The following ADAMTS2 variants were observed in gnomAD, a reference collection of about 807,000 sequenced individuals.
ADAMTS2 encodes the protein A disintegrin and metalloproteinase with thrombospondin motifs 2.
ADAMTS2 carries 50 observed loss-of-function variants against 123.0 expected under a neutral mutation model. The ratio of observed to expected loss-of-function variants is 0.41; its 90% CI spans 0.32 to 0.51. ADAMTS2 has a LOEUF of 0.51. Among genes scored for constraint, ADAMTS2 ranks in the 20% least tolerant of loss-of-function variants. The pLI is 0.35. For synonymous variants in ADAMTS2, 678 were observed against 695.4 expected (o/e 0.98, Z 0.39); for missense variants, 1,494 against 1,705.2 (o/e 0.88, Z 2.18).
intron 10 of ADAMTS2, among the ~76,000 whole-genome samples, chr5:179,149,969 T>G (rs1413793404): frequency 6.6e-6 from 1 of 152,210 alleles, no homozygotes; most frequent in East Asian, 1.9e-4. Context: ...TGCGGCCAGG[T>G]GGGTGGTCTC....
At chr5:179,236,843 C>T (rs1366041430) in intron 3 of ADAMTS2, among the ~76,000 whole-genome samples, 1 of 152,054 alleles carries the variant, frequency 6.6e-6, no homozygotes, top group Non-Finnish European at 1.5e-5. Context: ...TATTTGTACC[C>T]CCAAAATTCA....
At chr5:179,268,494 G>A (rs191297561) in intron 3 of ADAMTS2, among the ~76,000 whole-genome samples, 11 of 152,348 alleles carry the variant, frequency 7.2e-5, no homozygotes, top group African/African-American at 1.9e-4. Flanking sequence ...CACGTGACTC[G>A]GGGTCTTTCT....
intron 2 of ADAMTS2, among the ~76,000 whole-genome samples, chr5:179,309,548 G>A (rs1756766683): frequency 1.3e-5 from 2 of 152,076 alleles, no homozygotes; most frequent in Admixed American, 1.3e-4. Context: ...ACGAGGTCAG[G>A]AAATAGAGAC....
rs1766262167 is a variant in ADAMTS2, at chr5:179,262,618, C to T, written c.688+10293G>A. 6.6e-6 allele frequency among the ~76,000 whole-genome samples: 1 copy of T among 152,202 alleles called. No individual in the cohort carries two copies. The highest frequency in any genetic ancestry group is 6.5e-5 in the Admixed American group (1 of 15,288). On this transcript the variant is annotated intron_variant, in intron 3 of 21. Coordinates refer to ENST00000251582, the MANE Select transcript of ADAMTS2 (RefSeq NM_014244.5). This position sits in a 1 kb window ranked among gnomAD's most constrained non-coding sequence, Gnocchi z 5.9. ...TCCAGCCTCAGGGCTCCTGCATGTG[C>T]TGTTCCCTCTGCCTGGAACACCCTT...
rs1764237812 is a variant in ADAMTS2, at chr5:179,188,959, CT to C, written c.892-7805del. ...TACTAACGACGGCAAGAGGCTGCCCCTCCCCCTCTCCTGAATTTGGGGGGTT... is the reference window on the plus strand; with the variant it reads ...TACTAACGACGGCAAGAGGCTGCCCCCCCCCTCTCCTGAATTTGGGGGGTT... On this transcript the variant is annotated intron_variant, in intron 4 of 21. Transcript: ENST00000251582. The surrounding 1 kb of genome is among the most constrained non-coding windows in gnomAD (Gnocchi z 5.1). Among the ~76,000 whole-genome samples, 1 of 152,164 alleles carries C rather than the reference CT, an allele frequency of 6.6e-6. No individual in the cohort carries two copies. The highest frequency in any genetic ancestry group is 1.5e-5 in the Non-Finnish European group (1 of 68,050).
intron 3 of ADAMTS2, among the ~76,000 whole-genome samples, chr5:179,265,187 C>T (rs963229513): frequency 3.3e-5 from 5 of 152,244 alleles, no homozygotes; most frequent in Non-Finnish European, 5.9e-5. Context: ...GTTGGGGCTG[C>T]AGCCAAGCCA....
intron 13 of ADAMTS2, among the ~76,000 whole-genome samples, chr5:179,134,779 C>T (rs1275496012): frequency 1.9e-5 from 1 of 52,872 alleles, no homozygotes; most frequent in Admixed American, 2.0e-4. Context: ...GGCTCCATCC[C>T]CCAGCTCCCG....
At chr5:179,305,782 A>C (rs1299830054) in intron 2 of ADAMTS2, among the ~76,000 whole-genome samples, 1 of 152,218 alleles carries the variant, frequency 6.6e-6, no homozygotes, top group Admixed American at 6.5e-5. Context: ...CAGTATCAGA[A>C]TATTTTTAAA....
intron 4 of ADAMTS2, among the ~76,000 whole-genome samples, chr5:179,183,985 G>T (rs1215628855): frequency 6.6e-6 from 1 of 152,198 alleles, no homozygotes. Context: ...CCTCACTGGG[G>T]AATGACCCAG....
chr5:179,164,391 C>T (rs1561785470), intron 5 of ADAMTS2, among the ~76,000 whole-genome samples: 1 of 152,170 alleles, frequency 6.6e-6, no homozygotes, highest in East Asian at 1.9e-4. Context: ...GACAGTGTGG[C>T]ACTGAGATGC....
intron 3 of ADAMTS2, among the ~76,000 whole-genome samples, chr5:179,265,242 C>T (rs539284121): frequency 5.3e-5 from 8 of 152,348 alleles, no homozygotes; most frequent in South Asian, 4.1e-4. Flanking sequence ...CACCTGCCCA[C>T]GGTGCTCCAC....
intron 2 of ADAMTS2, among the ~76,000 whole-genome samples, chr5:179,330,680 T>C (rs998059851): frequency 6.6e-6 from 1 of 152,154 alleles, no homozygotes; most frequent in Non-Finnish European, 1.5e-5. Context: ...GCTGGCCTCA[T>C]TGGCCACCTT....
chr5:179,152,049 C>G (rs1406843863), intron 10 of ADAMTS2, 93 bp downstream of exon 10: 1 of 1,182,320 alleles, frequency 8.5e-7, no homozygotes, highest in Non-Finnish European at 1.2e-6. Context: ...AGGGCCCCCA[C>G]CCCCACTTCA....
chr5:179,241,949 T>C (rs974673623), intron 3 of ADAMTS2, among the ~76,000 whole-genome samples: 1 of 152,106 alleles, frequency 6.6e-6, no homozygotes, highest in African/African-American at 2.4e-5. Flanking sequence ...GGTGGATGGG[T>C]AATTCATGCC....
At chr5:179,241,368 C>G (rs569938828) in intron 3 of ADAMTS2, among the ~76,000 whole-genome samples, 33 of 152,362 alleles carry the variant, frequency 2.2e-4, no homozygotes, top group Admixed American at 1.4e-3. Flanking sequence ...GAGGCACACA[C>G]TGCCAGAGAT....
chr5:179,247,022 G>A (rs1765816467), intron 3 of ADAMTS2, among the ~76,000 whole-genome samples: 3 of 152,108 alleles, frequency 2.0e-5, no homozygotes, highest in Admixed American at 2.0e-4. Context: ...TCCACTCACA[G>A]GAAATAAAAA....
chr5:179,238,262 G>A (rs911885702), intron 3 of ADAMTS2, among the ~76,000 whole-genome samples: 20 of 152,196 alleles, frequency 1.3e-4, no homozygotes, highest in Admixed American at 8.5e-4. Flanking sequence ...GCTGAGTCCC[G>A]GTTTTCACCT....
chr5:179,126,472 G>A (rs999716327), intron 17 of ADAMTS2, among the ~76,000 whole-genome samples: 9 of 152,208 alleles, frequency 5.9e-5, no homozygotes, highest in African/African-American at 1.4e-4. Context: ...GCCAGGAGCC[G>A]GGCAAGCACT....
Position 179,345,298 on chromosome 5 carries a change from G to A in ADAMTS2, c.31C>T (p.Leu11=). Residue 11 remains leucine (L), a synonymous_variant, in exon 1 of 22, where the codon CTG becomes TTG. Transcript: ENST00000251582. This position sits in a 1 kb window ranked among gnomAD's most constrained non-coding sequence, Gnocchi z 7.5. MDPPAGAARR[L]LCPALLLLLL... ...AGCAGCAGCAGCGCGGGGCAGAGCA[G>A]GCGGCGAGCGGCTCCCGCCGGCGGA... The A allele has an allele frequency of 8.8e-7, 1 of 1,138,798 alleles. No individual in the cohort carries two copies. The highest frequency in any genetic ancestry group is 1.1e-6 in the Non-Finnish European group (1 of 929,646). The allele number at this position is 1,138,798 out of a possible 1,614,324, so 70.5% of individuals were successfully genotyped here.
Sources: gnomAD v4.1 joint callset for allele counts (sites outside exome capture counted in the v4.1 genomes callset) on GRCh38, gnomAD v4.1.1 for gene constraint, Gnocchi (gnomAD v3.1) non-coding constraint, MANE v1.5 for transcripts, NCBI Gene and HGNC (gene_info 2026-07-23, HGNC 2026-07-21) for gene names.